SFXN3: variants seen among roughly 807,000 people sequenced by gnomAD.
SFXN3 encodes the protein sideroflexin 3, also known as sideroflexin-3.
A neutral mutation model predicts 40.4 loss-of-function variants in SFXN3; 31 were observed. The ratio of observed to expected loss-of-function variants is 0.77; its 90% CI spans 0.58 to 1.04. SFXN3 has a LOEUF of 1.04. Among genes scored for constraint, SFXN3 ranks in the 50% least tolerant of loss-of-function variants. The probability of loss-of-function intolerance (pLI) is 0.00; values close to 1 mark genes in which losing one functional copy is unlikely to be tolerated. For missense variants in SFXN3, 366 were observed against 408.2 expected (o/e 0.90, Z 0.89); for synonymous variants, 157 against 160.0 (o/e 0.98, Z 0.14).
Position 101,036,185 on chromosome 10 carries a change from G to A in SFXN3, c.431+84G>A. 1 of 1,188,624 alleles carries A rather than the reference G, an allele frequency of 8.4e-7. No homozygotes were observed. Among genetic ancestry groups the A allele is most frequent in the South Asian group, 1.3e-5 (1 of 79,676 alleles). 73.6% of individuals were successfully genotyped at this position (1,188,624 alleles called of 1,614,324 possible). On this transcript the variant is annotated intron_variant, in intron 5 of 11. Coordinates refer to ENST00000393459, the Ensembl canonical transcript of SFXN3. The surrounding 1 kb of genome is among the most constrained non-coding windows in gnomAD (Gnocchi z 4.2). ...TGCAGTGCCCTCTCCTTTCTCTCCG[G>A]TTCCCTGTGGACCATGCAGCCAGTG...
At chr10:101,034,914 A>G in intron 3 of SFXN3, 59 bp downstream of exon 3, 2 of 1,578,310 alleles carry the variant, frequency 1.3e-6, no homozygotes. Context: ...GATTAATATA[A>G]TATGTTTTGT....
exon 12 of SFXN3, chr10:101,040,236 CCAGA>C (rs1311690175): frequency 6.5e-6 from 1 of 154,282 alleles, no homozygotes. Context: ...CTCCTCTCTA[CCAGA>C]CAAAGGAGTG....
exon 12 of SFXN3, chr10:101,040,283 C>T (rs1048413248): frequency 6.6e-6 from 1 of 152,564 alleles, no homozygotes; most frequent in Non-Finnish European, 1.5e-5. Context: ...CTGTCTCCCC[C>T]ACCACCCTAC....
chr10:101,035,778 G>C (rs954985720), intron 4 of SFXN3, 111 bp downstream of exon 4: 97 of 1,422,880 alleles, frequency 6.8e-5, no homozygotes, highest in South Asian at 2.0e-4. Flanking sequence ...TGTCAGAATC[G>C]CTTCCATTCC....
chr10:101,038,637 C>A lies in SFXN3; in HGVS notation c.772-6C>A. ...GCCGTTCCATTGTCTTTCTGTCTCT[C>A]CACAGCGCCGCCCCTGGCTGGGGGC... is the stretch of plus-strand genomic sequence containing the variant. On this transcript the variant is annotated splice_region_variant and splice_polypyrimidine_tract_variant and intron_variant, in intron 9 of 11. Coordinates refer to ENST00000393459, the Ensembl canonical transcript of SFXN3. 1 of 1,613,862 alleles carries A rather than the reference C, an allele frequency of 6.2e-7. No homozygotes were observed. Among genetic ancestry groups the A allele is most frequent in the Non-Finnish European group, 8.5e-7 (1 of 1,180,008 alleles).
At chr10:101,037,533 C>A in intron 9 of SFXN3, 102 bp downstream of exon 9, 1 of 1,609,400 alleles carries the variant, frequency 6.2e-7, no homozygotes, top group African/African-American at 1.3e-5. Context: ...TAAGACTTGC[C>A]AGCCCTTCTC....
Position 101,036,796 on chromosome 10 carries a change from T to C in SFXN3, c.581T>C (p.Leu194Pro). The C allele has an allele frequency of 6.2e-7, 1 of 1,613,724 alleles. No homozygotes were observed. Among genetic ancestry groups the C allele is most frequent in the Non-Finnish European group, 8.5e-7 (1 of 1,179,668 alleles). Residue 194 changes from leucine to proline, a missense_variant, in exon 7 of 12, where the codon CTG becomes CCG. Physicochemically the swap from Leu to Pro is moderately conservative, Grantham distance 98. Transcript: ENST00000393459. The surrounding 1 kb of genome is among the most constrained non-coding windows in gnomAD (Gnocchi z 4.2). ...GCTGCCAACTGCATCAACATCCCCCTGATGAGGCAGAGGTGAGTGACCCCG... is the reference window on the plus strand; with the variant it reads ...GCTGCCAACTGCATCAACATCCCCCCGATGAGGCAGAGGTGAGTGACCCCG...
Position 101,039,312 on chromosome 10 carries a change from G to C in SFXN3, c.869+90G>C. 1 of 1,328,560 alleles carries C rather than the reference G, an allele frequency of 7.5e-7. No individual in the cohort carries two copies. The highest frequency in any genetic ancestry group is 1.1e-6 in the Non-Finnish European group (1 of 937,952). 82.3% of individuals were successfully genotyped at this position (1,328,560 alleles called of 1,614,324 possible). On this transcript the variant is annotated intron_variant, in intron 11 of 11. Coordinates refer to ENST00000393459, the Ensembl canonical transcript of SFXN3. The surrounding 1 kb of genome is among the most constrained non-coding windows in gnomAD (Gnocchi z 4.6). ...ACCTAGGGTCTTCCAGGGTGTTCAG[G>C]AGGAGGCCTGGCAGGCACTCCACTG...
At chr10:101,034,973 T>G (rs1290141269) in intron 3 of SFXN3, 118 bp downstream of exon 3, 2 of 1,311,760 alleles carry the variant, frequency 1.5e-6, no homozygotes, top group Admixed American at 4.5e-5. Flanking sequence ...ATCCCCTCAC[T>G]CTCTAGCCCC....
In SFXN3 at chr10:101,036,558, C is replaced by A; in HGVS notation, c.504C>A (p.Thr168=). ...CGGCCCTGGGACTCAAATCCCTCACCAAGGTAAAGGCCCCTCACTCCCCTG... is the reference window on the plus strand; with the variant it reads ...CGGCCCTGGGACTCAAATCCCTCACAAAGGTAAAGGCCCCTCACTCCCCTG... Residue 168 remains threonine, a synonymous_variant, in exon 6 of 12, where the codon ACC becomes ACA. Coordinates refer to ENST00000393459, the Ensembl canonical transcript of SFXN3. This position sits in a 1 kb window ranked among gnomAD's most constrained non-coding sequence, Gnocchi z 4.2. 1 of 1,614,078 alleles carries A rather than the reference C, an allele frequency of 6.2e-7. No homozygotes were observed. The highest frequency in any genetic ancestry group is 8.5e-7 in the Non-Finnish European group (1 of 1,179,978).
chr10:101,039,246 TGGGGG>T lies in SFXN3; in HGVS notation c.869+25_869+29del. 1 of 1,591,130 alleles carries T rather than the reference TGGGGG, an allele frequency of 6.3e-7. No homozygotes were observed. The highest frequency in any genetic ancestry group is 8.6e-7 in the Non-Finnish European group (1 of 1,166,864). On this transcript the variant is annotated intron_variant, in intron 11 of 11. Transcript: ENST00000393459. The surrounding 1 kb of genome is among the most constrained non-coding windows in gnomAD (Gnocchi z 4.6). ...AGGTAAGTGCTGTCCCTGGGCTGGG[TGGGGG>T]ACTCTGGATTGGACTCTGCATCTCT... is the stretch of plus-strand genomic sequence containing the variant.
intron 1 of SFXN3, 129 bp from the exon 2 acceptor site, chr10:101,032,185 C>G (rs1938274957): frequency 1.0e-5 from 4 of 386,298 alleles, no homozygotes; most frequent in African/African-American, 2.1e-5. Context: ...TCCAGCCCCT[C>G]CTCCCTTTGG....
Position 101,036,979 on chromosome 10 carries a change from G to A in SFXN3, c.594-97G>A, listed in dbSNP as rs1938640195. The stretch of plus-strand genomic sequence containing the variant: ...GGTGGGAGAACCAGCCTTTGAGCCT[G>A]GGGTGTGTGAGGGGACCCTGAGGAG... On this transcript the variant is annotated intron_variant, in intron 7 of 11. Coordinates refer to ENST00000393459, the Ensembl canonical transcript of SFXN3. The surrounding 1 kb of genome is among the most constrained non-coding windows in gnomAD (Gnocchi z 4.2). The A allele has an allele frequency of 3.9e-6, 6 of 1,556,306 alleles. No homozygotes were observed. In the South Asian group the frequency reaches 7.2e-5, roughly 19 times the overall value.
In SFXN3 at chr10:101,036,943, T is replaced by C; in HGVS notation, c.594-133T>C. ...GCTGGGCCCTGGCTCAGTCTGACCCTGGGATCCTCAGGTGGGAGAACCAGC... is the reference window on the plus strand; with the variant it reads ...GCTGGGCCCTGGCTCAGTCTGACCCCGGGATCCTCAGGTGGGAGAACCAGC... On this transcript the variant is annotated intron_variant, in intron 7 of 11. Transcript: ENST00000393459. This position sits in a 1 kb window ranked among gnomAD's most constrained non-coding sequence, Gnocchi z 4.2. The C allele has an allele frequency of 5.9e-6, 9 of 1,519,754 alleles. No individual in the cohort carries two copies. The highest frequency in any genetic ancestry group is 1.3e-5 in the South Asian group (1 of 78,656). The allele number at this position is 1,519,754 out of a possible 1,614,324, so 94.1% of individuals were successfully genotyped here.
chr10:101,038,800 C>T, intron 10 of SFXN3, 108 bp downstream of exon 10: 1 of 1,527,668 alleles, frequency 6.5e-7, no homozygotes, highest in Non-Finnish European at 8.9e-7. Context: ...TCCATTCATA[C>T]ATTCAGTGGG....
chr10:101,037,489 GC>G (rs879332602), intron 9 of SFXN3, 58 bp downstream of exon 9: 3 of 1,613,568 alleles, frequency 1.9e-6, no homozygotes, highest in Admixed American at 3.3e-5. Flanking sequence ...AAGTGACCAG[GC>G]CCCAACTCTC....
chr10:101,038,734 T>C (rs1590088941), intron 10 of SFXN3, 42 bp downstream of exon 10: 3 of 1,604,194 alleles, frequency 1.9e-6, no homozygotes, highest in East Asian at 2.2e-5. Flanking sequence ...GGGAGTGCCT[T>C]GTCCATGGTG....
chr10:101,032,348 G>A, exon 2 of SFXN3: 2 of 1,203,462 alleles, frequency 1.7e-6, no homozygotes, highest in Non-Finnish European at 1.1e-6. Context: ...GGGTGGGCGC[G>A]GCCGGGAAGC....
intron 9 of SFXN3, chr10:101,038,218 T>C: frequency 9.7e-7 from 1 of 1,029,262 alleles, no homozygotes; most frequent in South Asian, 2.9e-5. Context: ...AGGAACAGGT[T>C]GGTGGTCCCT....
Sources: allele counts gnomAD v4.1 joint callset, GRCh38; gene constraint gnomAD v4.1.1; non-coding constraint Gnocchi (gnomAD v3.1); transcripts MANE v1.5; gene names NCBI Gene and HGNC (gene_info 2026-07-23, HGNC 2026-07-21).